Variants in CACNA1G observed in about 807,000 individuals in gnomAD.
CACNA1G encodes the protein calcium voltage-gated channel subunit alpha1 G.
In CACNA1G, 67 loss-of-function variants were observed where a neutral mutation model predicts 219.4. The ratio of observed to expected loss-of-function variants is 0.31; its 90% CI spans 0.25 to 0.37. The LOEUF is 0.37. CACNA1G is among the 10% of genes least tolerant of loss of function. The pLI is 1.00. For missense variants in CACNA1G, 2,380 were observed against 3,231.4 expected (o/e 0.74, Z 6.39); for synonymous variants, 1,296 against 1,345.3 (o/e 0.96, Z 0.80).
At chr17:50,567,522 A>T (rs2144569903) in intron 1 of CACNA1G, among the ~76,000 whole-genome samples, 1 of 152,104 alleles carries the variant, frequency 6.6e-6, no homozygotes. Flanking sequence ...TGGCCTCTTC[A>T]TGCCTGGCCA....
intron 2 of CACNA1G, 73 bp downstream of exon 2, chr17:50,569,054 C>G: frequency 6.6e-7 from 1 of 1,522,296 alleles, no homozygotes; most frequent in East Asian, 2.4e-5. Flanking sequence ...ATCTTAATAC[C>G]CTCTACTCCT....
At chr17:50,623,798 G>C in intron 35 of CACNA1G, 109 bp from the exon 36 acceptor site, 1 of 1,170,350 alleles carries the variant, frequency 8.5e-7, no homozygotes, top group Non-Finnish European at 1.2e-6. Flanking sequence ...AGGGCACGGG[G>C]GTGAGGGCTG....
At position 50,561,034 on chromosome 17, in the gene CACNA1G, G is replaced by C. The variant is rs944275188; in HGVS notation, c.-426G>C. The C allele has an allele frequency of 9.0e-6, 3 of 331,640 alleles. No homozygotes were observed. The highest frequency in any genetic ancestry group is 1.7e-5 in the Non-Finnish European group (3 of 173,096). 20.5% of individuals were successfully genotyped at this position (331,640 alleles called of 1,614,324 possible). ...ACCCCTTAGATCCGGCTCCAGCTGC[G>C]CCGCGGGAAGAGGGGGCGCCCCTCC... On this transcript the variant is annotated 5_prime_UTR_variant, in exon 1 of 38. Transcript: ENST00000359106.
Position 50,626,362 on chromosome 17 carries a change from G to A in CACNA1G, c.6745G>A (p.Val2249Met), listed in dbSNP as rs373232504. ...ACGGGACCTGAAGAAGTGCTACAGC[G>A]TGGAGGCCCAGAGCTGCCAGCGCCG... is the stretch of plus-strand genomic sequence containing the variant. ...SPRDLKKCYS[V>M]EAQSCQRRPT... Residue 2249 changes from valine (V) to methionine (M), a missense_variant, in exon 38 of 38, where the codon GTG becomes ATG. Val to Met is a conservative substitution (Grantham distance 21). This residue lies in a region of CACNA1G where 672 missense variants were observed against 670.5 expected (regional missense o/e 1.00). Coordinates refer to ENST00000359106, the MANE Select transcript of CACNA1G (RefSeq NM_018896.5). This position sits in a 1 kb window ranked among gnomAD's most constrained non-coding sequence, Gnocchi z 4.3. 6.2e-6 allele frequency: 10 copies of A among 1,612,584 alleles called. No individual in the cohort carries two copies. In the East Asian group the frequency reaches 8.9e-5, roughly 14 times the overall value.
In CACNA1G at chr17:50,601,011, C is replaced by CTGCCTCCCCCTCTCAGCCGT. The variant is rs753762573; in HGVS notation, c.3792-32_3792-13dup. The CTGCCTCCCCCTCTCAGCCGT allele has an allele frequency of 2.5e-6, 4 of 1,605,914 alleles. No homozygotes were observed. The East Asian group carries it at 6.7e-5, about 27-fold the overall frequency. On this transcript the variant is annotated intron_variant, in intron 18 of 37. Transcript: ENST00000359106. ...GCGGTGCCTCTCGTTGCCACCTGCC[C>CTGCCTCCCCCTCTCAGCCGT]TGCCTCCCCCTCTCAGCCGTTGCCT... is the stretch of plus-strand genomic sequence containing the variant.
intron 23 of CACNA1G, chr17:50,606,392 C>CAGGA: frequency 1.7e-6 from 1 of 598,550 alleles, no homozygotes; most frequent in Non-Finnish European, 3.0e-6. Flanking sequence ...GCTCAATGAC[C>CAGGA]TGGAGCAGCT....
At position 50,561,576 on chromosome 17, in the gene CACNA1G, G is replaced by A. The variant is rs1488859566; in HGVS notation, c.117G>A (p.Lys39=). 1 of 1,556,862 alleles carries A rather than the reference G, an allele frequency of 6.4e-7. No homozygotes were observed. Among genetic ancestry groups the A allele is most frequent in the Non-Finnish European group, 8.7e-7 (1 of 1,153,736 alleles). Residue 39 remains lysine (K), a synonymous_variant, in exon 1 of 38, where the codon AAG becomes AAA. Coordinates refer to ENST00000359106, the MANE Select transcript of CACNA1G (RefSeq NM_018896.5). The part of the protein sequence containing the change: ...GGRPGPGSAE[K]DPGSADSEAE... ...GGCCGGGGCCGGGGTCAGCAGAAAA[G>A]GACCCGGGCAGCGCGGACTCCGAGG...
At position 50,608,014 on chromosome 17, in the gene CACNA1G, G is replaced by T; in HGVS notation, c.4700G>T (p.Arg1567Ile). The T allele has an allele frequency of 6.2e-7, 1 of 1,606,266 alleles. No individual in the cohort carries two copies. Among genetic ancestry groups the T allele is most frequent in the South Asian group, 1.1e-5 (1 of 89,806 alleles). The change falls in exon 25 of 38, where the codon AGA (arginine) becomes ATA (isoleucine). Residue 1567 changes from arginine to isoleucine, a missense_variant. Physicochemically the swap from Arg to Ile is moderately conservative, Grantham distance 97 (BLOSUM62 -3). Coordinates refer to ENST00000359106, the MANE Select transcript of CACNA1G (RefSeq NM_018896.5). Reference protein sequence around the residue: ...EKRLRRLEKKRRNLMLDDVIA... With the variant: ...EKRLRRLEKKIRNLMLDDVIA... ...CGCCTACGAAGACTGGAGAAAAAGAGAAGGAGTAAGGAGAAGCAGATGGCT... is the reference window on the plus strand; with the variant it reads ...CGCCTACGAAGACTGGAGAAAAAGATAAGGAGTAAGGAGAAGCAGATGGCT...
At position 50,626,326 on chromosome 17, in the gene CACNA1G, C is replaced by G; in HGVS notation, c.6709C>G (p.Pro2237Ala). ...CCTGCCCCCTGGCGGCCAGGAGGAG[C>G]CCCCATCCCCACGGGACCTGAAGAA... ...DLLPPGGQEEPPSPRDLKKCY... is the reference protein window; with the variant it reads ...DLLPPGGQEEAPSPRDLKKCY... Residue 2237 changes from proline to alanine, a missense_variant, in exon 38 of 38, where the codon CCC (proline) becomes GCC (alanine). By Grantham distance (27) the Pro-to-Ala change is conservative. This residue lies in a region of CACNA1G where 672 missense variants were observed against 670.5 expected (regional missense o/e 1.00). Coordinates refer to ENST00000359106, the MANE Select transcript of CACNA1G (RefSeq NM_018896.5). The surrounding 1 kb of genome is among the most constrained non-coding windows in gnomAD (Gnocchi z 4.3). 1 of 1,613,254 alleles carries G rather than the reference C, an allele frequency of 6.2e-7. No individual in the cohort carries two copies. Among genetic ancestry groups the G allele is most frequent in the Non-Finnish European group, 8.5e-7 (1 of 1,179,832 alleles).
chr17:50,563,666 G>C (rs1258327698), intron 1 of CACNA1G: 4 of 152,494 alleles, frequency 2.6e-5, no homozygotes, highest in African/African-American at 9.7e-5. Flanking sequence ...GGCCTGGCAT[G>C]GGGGAGGAGA....
intron 10 of CACNA1G, 36 bp from the exon 11 acceptor site, chr17:50,591,399 G>A: frequency 6.7e-7 from 1 of 1,491,566 alleles, no homozygotes; most frequent in Non-Finnish European, 8.9e-7. Context: ...AGAGGGTGAA[G>A]GTGCAGGGGG....
intron 9 of CACNA1G, among the ~76,000 whole-genome samples, chr17:50,584,668 C>T (rs773162655): frequency 2.0e-5 from 3 of 151,982 alleles, no homozygotes; most frequent in Admixed American, 1.3e-4. Context: ...GGTGGAGGAA[C>T]GGCTGGCTCC....
intron 9 of CACNA1G, among the ~76,000 whole-genome samples, chr17:50,590,248 G>A (rs978557267): frequency 5.9e-5 from 9 of 152,158 alleles, no homozygotes; most frequent in African/African-American, 2.2e-4. Flanking sequence ...CAGAGCTGGG[G>A]CTATGGGTTT....
At chr17:50,581,309 G>A (rs1402905438) in intron 9 of CACNA1G, among the ~76,000 whole-genome samples, 2 of 151,988 alleles carry the variant, frequency 1.3e-5, no homozygotes, top group Non-Finnish European at 2.9e-5. Context: ...AGACTCCCCT[G>A]GAGCTGGCTG....
rs764852399 is a variant in CACNA1G, at chr17:50,618,485, C to T, written c.5427+142C>T. ...TAGAACACTCTGGAACTCCCTCTCCCAGGAACATGCTCTGACTCACACTTG... is the reference window on the plus strand; with the variant it reads ...TAGAACACTCTGGAACTCCCTCTCCTAGGAACATGCTCTGACTCACACTTG... On this transcript the variant is annotated intron_variant, in intron 32 of 37. Transcript: ENST00000359106. This position sits in a 1 kb window ranked among gnomAD's most constrained non-coding sequence, Gnocchi z 5.3. 9.9e-5 allele frequency: 123 copies of T among 1,244,860 alleles called. No homozygotes were observed. The highest frequency in any genetic ancestry group is 1.3e-4 in the Non-Finnish European group (114 of 876,264). 77.1% of individuals were successfully genotyped at this position (1,244,860 alleles called of 1,614,324 possible).
In CACNA1G at chr17:50,618,260, C is replaced by T; in HGVS notation, c.5344C>T (p.His1782Tyr). The change falls in exon 32 of 38, where the codon CAT (histidine) becomes TAT (tyrosine). Residue 1782 changes from histidine to tyrosine, a missense_variant. This residue lies in a region of CACNA1G where 123 missense variants were observed against 258.4 expected (regional missense o/e 0.48). Transcript: ENST00000359106. The surrounding 1 kb of genome is among the most constrained non-coding windows in gnomAD (Gnocchi z 5.3). The stretch of plus-strand genomic sequence containing the variant: ...ACACCCCTGTGAGGGCCTGGGCCGT[C>T]ATGCCACCTTTCGGAACTTTGGCAT... ...ETHPCEGLGR[H>Y]ATFRNFGMAF... 6.2e-7 allele frequency: 1 copy of T among 1,613,844 alleles called. No individual in the cohort carries two copies. The highest frequency in any genetic ancestry group is 8.5e-7 in the Non-Finnish European group (1 of 1,179,830).
chr17:50,594,444 G>A (rs555289184), intron 13 of CACNA1G, among the ~76,000 whole-genome samples: 3 of 152,146 alleles, frequency 2.0e-5, no homozygotes, highest in African/African-American at 4.8e-5. Context: ...TCTGACTTTC[G>A]TCCATTCCTT....
At chr17:50,619,090 C>A (rs2051159209) in intron 33 of CACNA1G, 82 bp downstream of exon 33, 1 of 1,122,894 alleles carries the variant, frequency 8.9e-7, no homozygotes, top group Non-Finnish European at 1.2e-6. Flanking sequence ...GCCAAGCGGG[C>A]AGCACACAAA....
chr17:50,608,148 T>A, intron 25 of CACNA1G, 129 bp downstream of exon 25: 1 of 742,636 alleles, frequency 1.3e-6, no homozygotes, highest in South Asian at 1.8e-5. Context: ...CCCACCCCCC[T>A]CCTCACCTCC....
Sources: allele counts gnomAD v4.1 joint callset (sites outside exome capture counted in the v4.1 genomes callset), GRCh38; gene constraint gnomAD v4.1.1; regional missense constraint gnomAD v4.1.1; non-coding constraint Gnocchi (gnomAD v3.1); transcripts MANE v1.5; gene names NCBI Gene and HGNC (gene_info 2026-07-23, HGNC 2026-07-21).